The following DPP6 variants were observed in gnomAD, a reference collection of about 807,000 sequenced individuals.
DPP6 encodes A-type potassium channel modulatory protein DPP6.
Under a neutral mutation model 122.6 loss-of-function variants are expected in DPP6, and 69 were observed. The observed-to-expected ratio is 0.56, with a 90% CI of 0.46 to 0.69. DPP6 has a LOEUF of 0.69. Ranked by LOEUF, DPP6 falls within the 30% of genes least tolerant of loss-of-function variation. The pLI, the probability that DPP6 is intolerant of heterozygous loss-of-function variation, is 0.00. For synonymous variants in DPP6, 418 were observed against 433.1 expected, an observed-to-expected ratio of 0.97 and a Z score of 0.43; for missense variants, 928 against 1,116.9, an observed-to-expected ratio of 0.83 and a Z score of 2.41.
At chr7:154,210,146 C>T (rs75076310) in intron 1 of DPP6, among the ~76,000 whole-genome samples, 2,083 of 152,294 alleles carry the variant, frequency 0.014, 38 homozygotes, top group African/African-American at 0.048. Context: ...TGAAAAGGAT[C>T]AATACCATGG....
chr7:154,481,018 A>G lies in DPP6; in HGVS notation c.457+5981A>G, dbSNP rs534315376. On this transcript the variant is annotated intron_variant, in intron 3 of 25. Coordinates refer to ENST00000377770, the MANE Select transcript of DPP6 (RefSeq NM_130797.4). The surrounding 1 kb of genome is among the most constrained non-coding windows in gnomAD (Gnocchi z 4.2). ...CGTGATGTTTGGGTGCATGAATACC[A>G]TGGCAGACTTGGCATCAGTCCACTC... Among the ~76,000 whole-genome samples, 28 of 152,170 alleles carry G rather than the reference A, an allele frequency of 1.8e-4. No individual in the cohort carries two copies. In the South Asian group the frequency reaches 5.6e-3, roughly 30 times the overall value.
intron 1 of DPP6, among the ~76,000 whole-genome samples, chr7:154,355,671 C>T (rs1376993309): frequency 6.6e-6 from 1 of 152,164 alleles, no homozygotes; most frequent in African/African-American, 2.4e-5. Context: ...AATCAGGTGA[C>T]AGGTGGATCT....
chr7:153,947,012 G>T (rs1801978451), intron 1 of DPP6, among the ~76,000 whole-genome samples: 2 of 152,112 alleles, frequency 1.3e-5, no homozygotes, highest in African/African-American at 2.4e-5. Context: ...TTTGCTGACG[G>T]TGTGATATTC....
At chr7:154,844,088 A>C (rs990880971) in intron 16 of DPP6, among the ~76,000 whole-genome samples, 2 of 152,268 alleles carry the variant, frequency 1.3e-5, no homozygotes, top group Admixed American at 1.3e-4. Flanking sequence ...GTGGAGTCCT[A>C]AGGTTTAGCC....
chr7:154,089,122 G>A (rs1376675988), intron 1 of DPP6, among the ~76,000 whole-genome samples: 1 of 152,194 alleles, frequency 6.6e-6, no homozygotes, highest in Non-Finnish European at 1.5e-5. Flanking sequence ...CACAGAAGCA[G>A]AATTGGATTT....
intron 16 of DPP6, among the ~76,000 whole-genome samples, chr7:154,851,580 T>C (rs1333655627): frequency 6.6e-6 from 1 of 152,226 alleles, no homozygotes; most frequent in African/African-American, 2.4e-5. Flanking sequence ...TTTAAATCTC[T>C]TTTGGTAAGT....
rs574860180 is a variant in DPP6 at position 154,015,295 on chromosome 7, G to T, written c.51+127561G>T. Among the ~76,000 whole-genome samples, 338 of 152,018 alleles carry T rather than the reference G, an allele frequency of 2.2e-3. 1 individual carries two copies. Among genetic ancestry groups the T allele is most frequent in the Non-Finnish European group, 3.6e-3 (245 of 68,010 alleles). ...TGTCCTCGACCGGTTCTGTCTTCCC[G>T]CGTGACCTCTCAGCATTGAAGTCTT... On this transcript the variant is annotated intron_variant, in intron 1 of 25. Coordinates refer to the DPP6 transcript ENST00000404039.
chr7:154,774,188 C>T (rs1323638154), intron 10 of DPP6, among the ~76,000 whole-genome samples: 1 of 152,112 alleles, frequency 6.6e-6, no homozygotes, highest in Non-Finnish European at 1.5e-5. Flanking sequence ...CAGCTGGTCC[C>T]AGGGACAACT....
intron 6 of DPP6, among the ~76,000 whole-genome samples, chr7:154,654,309 A>G (rs1837082864): frequency 6.6e-6 from 1 of 151,682 alleles, no homozygotes; most frequent in Non-Finnish European, 1.5e-5. Flanking sequence ...TTAGAGAGGG[A>G]ATCTGTCACA....
chr7:154,182,367 A>C (rs1798134505), intron 1 of DPP6, among the ~76,000 whole-genome samples: 1 of 152,108 alleles, frequency 6.6e-6, no homozygotes, highest in African/African-American at 2.4e-5. Flanking sequence ...TTGCTGACCT[A>C]CCAGGGGGCT....
intron 16 of DPP6, among the ~76,000 whole-genome samples, chr7:154,811,423 A>G (rs1279638164): frequency 6.6e-6 from 1 of 152,204 alleles, no homozygotes; most frequent in East Asian, 1.9e-4. Flanking sequence ...TAAAGGAGAA[A>G]GTGATTATAC....
intron 8 of DPP6, among the ~76,000 whole-genome samples, chr7:154,745,912 AC>A (rs1276446534): frequency 6.6e-6 from 1 of 151,970 alleles, no homozygotes. Context: ...CTCCCACTAG[AC>A]CCCACCTCCA....
At chr7:154,257,249 A>C (rs28582522) in intron 1 of DPP6, among the ~76,000 whole-genome samples, 22,442 of 151,678 alleles carry the variant, frequency 0.15, 3,178 homozygotes, top group African/African-American at 0.38. Context: ...TGGGTTCTTT[A>C]GCAGAATTCC....
intron 1 of DPP6, among the ~76,000 whole-genome samples, chr7:154,305,802 A>T (rs1806289612): frequency 6.6e-6 from 1 of 151,934 alleles, no homozygotes; most frequent in Admixed American, 6.6e-5. Context: ...CCCTGGCTTG[A>T]TGATTAAGGT....
At chr7:154,558,071 A>T (rs954097425) in intron 4 of DPP6, among the ~76,000 whole-genome samples, 8 of 151,722 alleles carry the variant, frequency 5.3e-5, no homozygotes, top group South Asian at 4.2e-4. Context: ...TACATTAGGG[A>T]TTTCTCCTAA....
chr7:153,963,779 C>T (rs945622439), intron 1 of DPP6, among the ~76,000 whole-genome samples: 1 of 152,170 alleles, frequency 6.6e-6, no homozygotes, highest in African/African-American at 2.4e-5. Context: ...AAGCCATCCC[C>T]ACCCCGTGTC....
intron 1 of DPP6, among the ~76,000 whole-genome samples, chr7:154,232,792 G>T (rs1800992463): frequency 1.3e-5 from 2 of 152,158 alleles, no homozygotes; most frequent in African/African-American, 4.8e-5. Context: ...TCTTGATGCT[G>T]CCAAGCATAG....
At chr7:153,899,291 T>A (rs1449555685) in intron 1 of DPP6, among the ~76,000 whole-genome samples, 1 of 152,082 alleles carries the variant, frequency 6.6e-6, no homozygotes, top group Non-Finnish European at 1.5e-5. Context: ...CCCTTGCCTT[T>A]ATGTTGGGAA....
chr7:154,046,440 T>C (rs887033885), intron 1 of DPP6, among the ~76,000 whole-genome samples: 6 of 152,174 alleles, frequency 3.9e-5, no homozygotes, highest in African/African-American at 1.4e-4. Context: ...TGAACAACAT[T>C]CCAGTCTGTT....
Sources: allele counts gnomAD v4.1 joint callset (sites outside exome capture counted in the v4.1 genomes callset), GRCh38; gene constraint gnomAD v4.1.1; non-coding constraint Gnocchi (gnomAD v3.1); transcripts MANE v1.5; gene names NCBI Gene and HGNC (gene_info 2026-07-23, HGNC 2026-07-21).